Variants in TNIP2 observed in about 807,000 individuals in gnomAD.
TNIP2 encodes TNFAIP3 interacting protein 2, also known as TNFAIP3-interacting protein 2.
TNIP2 carries 30 observed loss-of-function variants against 43.7 expected under a neutral mutation model. The observed-to-expected ratio is 0.69, with a 90% CI of 0.51 to 0.93. The LOEUF is 0.93. TNIP2 is among the 40% of genes least tolerant of loss of function. The pLI, the probability that TNIP2 is intolerant of heterozygous loss-of-function variation, is 0.00. For synonymous variants in TNIP2, 260 were observed against 254.6 expected, an observed-to-expected ratio of 1.02 and a Z score of -0.20; for missense variants, 599 against 591.0, an observed-to-expected ratio of 1.01 and a Z score of -0.14.
rs1358882614 is a variant in TNIP2, at chr4:2,745,028, AGCAGT to A, written c.658-88_658-84del. ...CAGCACCCAGTGTGAATTATGTATT[AGCAGT>A]GATTCGCTGAGTGAGAGTTTCCTCT... On this transcript the variant is annotated intron_variant, in intron 3 of 5. Transcript: ENST00000315423. 6 of 1,506,016 alleles carry A rather than the reference AGCAGT, an allele frequency of 4.0e-6. No homozygotes were observed. In the Admixed American group the frequency reaches 1.3e-4, roughly 33 times the overall value. The allele number at this position is 1,506,016 out of a possible 1,614,324, so 93.3% of individuals were successfully genotyped here. A position where few individuals can be genotyped will look rare whatever the true frequency, so the allele number is the denominator to read the frequency against.
intron 1 of TNIP2, among the ~76,000 whole-genome samples, chr4:2,753,072 C>T (rs1722141875): frequency 6.6e-6 from 1 of 151,784 alleles, no homozygotes; most frequent in African/African-American, 2.4e-5. Flanking sequence ...GACCCTGTCT[C>T]TAAAAAAATA....
chr4:2,751,720 C>T (rs1722106789), intron 1 of TNIP2, among the ~76,000 whole-genome samples: 1 of 151,712 alleles, frequency 6.6e-6, no homozygotes, highest in Non-Finnish European at 1.5e-5. Context: ...CTGCAGTGAG[C>T]TATGATCATG....
intron 1 of TNIP2, among the ~76,000 whole-genome samples, chr4:2,750,784 G>A (rs1285682657): frequency 6.6e-6 from 1 of 151,804 alleles, no homozygotes; most frequent in Non-Finnish European, 1.5e-5. Flanking sequence ...GGGTCACCGT[G>A]CCCAGGTAAA....
chr4:2,756,112 C>A lies in TNIP2; in HGVS notation c.178G>T (p.Ala60Ser). ...ARLAALEGDAAPSLVDALLEQ... is the reference protein window; with the variant it reads ...ARLAALEGDASPSLVDALLEQ... The stretch of plus-strand genomic sequence containing the variant: ...AGCAGCGCGTCCACTAGGGACGGCG[C>A]GGCGTCCCCCTCCAGCGCGGCCAGG... The change falls in exon 1 of 6, where the codon GCG (alanine) becomes TCG (serine). Residue 60 changes from alanine to serine, a missense_variant. Physicochemically the swap from Ala to Ser is moderately conservative, Grantham distance 99 (BLOSUM62 1). Transcript: ENST00000315423. 6.7e-7 allele frequency: 1 copy of A among 1,485,740 alleles called. No individual in the cohort carries two copies. Among genetic ancestry groups the A allele is most frequent in the Non-Finnish European group, 8.9e-7 (1 of 1,127,560 alleles). The allele number at this position is 1,485,740 out of a possible 1,614,324, so 92.0% of individuals were successfully genotyped here. A position where few individuals can be genotyped will look rare whatever the true frequency, so the allele number is the denominator to read the frequency against.
At chr4:2,743,981 G>C (rs1174100559) in intron 5 of TNIP2, among the ~76,000 whole-genome samples, 1 of 152,200 alleles carries the variant, frequency 6.6e-6, no homozygotes, top group Non-Finnish European at 1.5e-5. Context: ...GCCAGGCTGA[G>C]CTGGGGATGT....
intron 2 of TNIP2, among the ~76,000 whole-genome samples, chr4:2,746,495 G>A (rs546954678): frequency 1.1e-4 from 16 of 152,240 alleles, no homozygotes; most frequent in African/African-American, 3.4e-4. Context: ...CCGCCCAGAC[G>A]GCACTTTTCC....
At chr4:2,745,785 A>G (rs1466070882) in intron 2 of TNIP2, among the ~76,000 whole-genome samples, 1 of 152,258 alleles carries the variant, frequency 6.6e-6, no homozygotes, top group Non-Finnish European at 1.5e-5. Flanking sequence ...CACTGTCCTT[A>G]TCCCGTCCCA....
chr4:2,749,966 G>A (rs1251668989), intron 1 of TNIP2, among the ~76,000 whole-genome samples: 1 of 152,052 alleles, frequency 6.6e-6, no homozygotes. Context: ...GCATGCCACC[G>A]TACCTGGCTA....
chr4:2,744,213 T>C lies in TNIP2; in HGVS notation c.1026+174A>G, dbSNP rs552142245. Among the ~76,000 whole-genome samples the C allele has an allele frequency of 8.5e-5, 13 of 152,222 alleles. No homozygotes were observed. The South Asian group carries it at 2.1e-3, about 24-fold the overall frequency. On this transcript the variant is annotated intron_variant, in intron 5 of 5. Transcript: ENST00000315423. This position sits in a 1 kb window ranked among gnomAD's most constrained non-coding sequence, Gnocchi z 5.1. ...AACAGTATAACAGGGAGGCTTTCCA[T>C]GACCACGCCCAGGTACCAGGCCAGG...
intron 1 of TNIP2, among the ~76,000 whole-genome samples, chr4:2,749,413 G>A (rs930330154): frequency 2.0e-5 from 3 of 152,264 alleles, no homozygotes; most frequent in African/African-American, 7.2e-5. Context: ...CTTACTTAGA[G>A]ATAGGGTCTT....
intron 1 of TNIP2, among the ~76,000 whole-genome samples, chr4:2,755,733 T>TC (rs11414405): frequency 1 from 50,067 of 50,274 alleles, 24,941 homozygotes; most frequent in Middle Eastern, 1. Context: ...GGACCTAGTG[T>TC]CCCTCAACCC....
In TNIP2 at chr4:2,756,305, CG is replaced by C; in HGVS notation, c.-17del. ...CCCGGGACATGGCTGTAGGCCCGCC[CG>C]GGAGGCCGCGCGGCCGCCGGCAACT... On this transcript the variant is annotated 5_prime_UTR_variant, in exon 1 of 6. Transcript: ENST00000315423. 1 of 1,218,704 alleles carries C rather than the reference CG, an allele frequency of 8.2e-7. No individual in the cohort carries two copies. 75.5% of individuals were successfully genotyped at this position (1,218,704 alleles called of 1,614,324 possible).
Position 2,742,327 on chromosome 4 carries a change from T to C in TNIP2, c.1220A>G (p.His407Arg), listed in dbSNP as rs767093675. The stretch of plus-strand genomic sequence containing the variant: ...CTCGTCACTGAAGCACTGCAGGCAG[T>C]GAGGGCACTGAAGGTCCCCCTGGCC... ...QRGQGDLQCP[H>R]CLQCFSDEQG... Residue 407 changes from histidine (H) to arginine (R), a missense_variant, in exon 6 of 6, where the codon CAC becomes CGC. His to Arg is a conservative substitution (Grantham distance 29). Coordinates refer to ENST00000315423, the MANE Select transcript of TNIP2 (RefSeq NM_024309.4). 7 of 1,564,186 alleles carry C rather than the reference T, an allele frequency of 4.5e-6. No individual in the cohort carries two copies. The Admixed American group carries it at 7.5e-5, about 17-fold the overall frequency.
At chr4:2,745,129 A>ACGATGACAC (rs1339317559) in intron 3 of TNIP2, among the ~76,000 whole-genome samples, 184 bp from the exon 4 acceptor site, 2 of 152,242 alleles carry the variant, frequency 1.3e-5, no homozygotes, top group African/African-American at 4.8e-5. Context: ...CTGAGGCAGC[A>ACGATGACAC]CGATGACACC....
intron 1 of TNIP2, 72 bp from the exon 2 acceptor site, chr4:2,748,017 C>T: frequency 1.3e-6 from 2 of 1,524,272 alleles, no homozygotes; most frequent in Non-Finnish European, 1.8e-6. Flanking sequence ...GTTCAGAAAG[C>T]AAAAGAAGAC....
Position 2,742,389 on chromosome 4 carries a change from G to C in TNIP2, c.1158C>G (p.Pro386=), listed in dbSNP as rs1187617609. The change falls in exon 6 of 6, where the codon CCC becomes CCG. Residue 386 remains proline (P), a synonymous_variant. Transcript: ENST00000315423. ...CGCCAGGATGCCCGCCCTCTGCAGGGGGTTCTGGCTGCTGGGACCCAGTCC... is the reference window on the plus strand; with the variant it reads ...CGCCAGGATGCCCGCCCTCTGCAGGCGGTTCTGGCTGCTGGGACCCAGTCC... ...RPGTGSQQPE[P]PAEGGHPGAA... The C allele has an allele frequency of 6.2e-7, 1 of 1,610,124 alleles. No individual in the cohort carries two copies. Among genetic ancestry groups the C allele is most frequent in the Admixed American group, 1.7e-5 (1 of 59,570 alleles).
At chr4:2,743,966 C>T (rs1462008235) in intron 5 of TNIP2, among the ~76,000 whole-genome samples, 1 of 152,182 alleles carries the variant, frequency 6.6e-6, no homozygotes, top group Non-Finnish European at 1.5e-5. Flanking sequence ...GGCCCAGCTC[C>T]ACGTGCCAGG....
At position 2,749,860 on chromosome 4, in the gene TNIP2, G is replaced by A. The variant is rs1257246798; in HGVS notation, c.277-1915C>T. On this transcript the variant is annotated intron_variant, in intron 1 of 5. Transcript: ENST00000315423. ...AGGGTCTCGCCCTGTCACCCAGGCT[G>A]GAGTACAGTGGTGCCACCATGGTTC... Among the ~76,000 whole-genome samples, 3 of 152,246 alleles carry A rather than the reference G, an allele frequency of 2.0e-5. No homozygotes were observed. In the East Asian group the frequency reaches 5.8e-4, roughly 29 times the overall value.
intron 1 of TNIP2, among the ~76,000 whole-genome samples, chr4:2,749,849 TCACC>T (rs1332965806): frequency 2.0e-5 from 3 of 152,120 alleles, no homozygotes; most frequent in African/African-American, 7.2e-5. Flanking sequence ...TCTCGCCCTG[TCACC>T]CAGGCTGGAG....
Sources: allele counts gnomAD v4.1 joint callset (sites outside exome capture counted in the v4.1 genomes callset), GRCh38; gene constraint gnomAD v4.1.1; non-coding constraint Gnocchi (gnomAD v3.1); transcripts MANE v1.5; gene names NCBI Gene and HGNC (gene_info 2026-07-23, HGNC 2026-07-21).